LRP1B: variants seen among roughly 807,000 people sequenced by gnomAD.
The protein encoded by LRP1B is LDL receptor related protein 1B.
A neutral mutation model predicts 556.6 loss-of-function variants in LRP1B; 217 were observed. The ratio of observed to expected loss-of-function variants is 0.39; its 90% CI spans 0.35 to 0.44. The LOEUF is 0.44. Among genes scored for constraint, LRP1B ranks in the 20% least tolerant of loss-of-function variants. The pLI is 1.00. For missense variants in LRP1B, 5,053 were observed against 5,620.8 expected (o/e 0.90, Z 3.23); for synonymous variants, 2,047 against 1,865.8 (o/e 1.10, Z -2.50).
At chr2:142,016,945 T>C (rs188578364) in intron 1 of LRP1B, among the ~76,000 whole-genome samples, 1 of 150,944 alleles carries the variant, frequency 6.6e-6, no homozygotes, top group African/African-American at 2.4e-5. Flanking sequence ...TGTATATATG[T>C]GTATATACAT....
intron 79 of LRP1B, among the ~76,000 whole-genome samples, chr2:140,332,907 G>A (rs1359584728): frequency 6.6e-6 from 1 of 151,982 alleles, no homozygotes; most frequent in Non-Finnish European, 1.5e-5. Context: ...TATTAATAAT[G>A]ATTATGTAAA....
intron 1 of LRP1B, among the ~76,000 whole-genome samples, chr2:141,946,957 T>A (rs1484535980): frequency 6.6e-6 from 1 of 152,154 alleles, no homozygotes; most frequent in Non-Finnish European, 1.5e-5. Flanking sequence ...CTTAGGCTGC[T>A]AAGCAACATA....
At chr2:141,289,295 T>C (rs987422867) in intron 3 of LRP1B, among the ~76,000 whole-genome samples, 1 of 139,132 alleles carries the variant, frequency 7.2e-6, no homozygotes, top group Non-Finnish European at 1.5e-5. Flanking sequence ...GGCAGGAGAA[T>C]GGCGTGAACC....
chr2:141,151,838 TCAAA>T (rs941183753), intron 7 of LRP1B, among the ~76,000 whole-genome samples: 4 of 152,162 alleles, frequency 2.6e-5, no homozygotes, highest in Admixed American at 6.6e-5. Context: ...GTGTTCTTGC[TCAAA>T]CAATCATTAA....
At chr2:140,743,163 G>A (rs1688196138) in intron 35 of LRP1B, among the ~76,000 whole-genome samples, 1 of 152,048 alleles carries the variant, frequency 6.6e-6, no homozygotes, top group Non-Finnish European at 1.5e-5. Flanking sequence ...AGTTGATTTT[G>A]GAGTGGACTA....
At chr2:140,566,069 A>G (rs1558971824) in intron 43 of LRP1B, among the ~76,000 whole-genome samples, 1 of 152,100 alleles carries the variant, frequency 6.6e-6, no homozygotes, top group Non-Finnish European at 1.5e-5. Flanking sequence ...TTGGAACTGC[A>G]ACTACTGATG....
intron 41 of LRP1B, among the ~76,000 whole-genome samples, chr2:140,603,197 A>G (rs1682740276): frequency 6.6e-6 from 1 of 152,046 alleles, no homozygotes; most frequent in Admixed American, 6.6e-5. Flanking sequence ...ACAAGGTATT[A>G]ATGAGGGTGA....
chr2:140,906,501 A>C lies in LRP1B; in HGVS notation c.3520+1376T>G, dbSNP rs566881964. ...GATGGGGAAGAGGGAGAAAAGTACT[A>C]ATATTTTTCAATAACTGCAGGGCAT... On this transcript the variant is annotated intron_variant, in intron 22 of 90. Transcript: ENST00000389484. 2.0e-5 allele frequency among the ~76,000 whole-genome samples: 3 copies of C among 152,242 alleles called. No individual in the cohort carries two copies. The East Asian group carries it at 5.8e-4, about 29-fold the overall frequency.
At chr2:140,841,919 C>A (rs912577915) in intron 29 of LRP1B, among the ~76,000 whole-genome samples, 4 of 36,802 alleles carry the variant, frequency 1.1e-4, no homozygotes, top group Non-Finnish European at 3.7e-4. Context: ...CAATTTATAG[C>A]ATTTGATTAC....
intron 43 of LRP1B, among the ~76,000 whole-genome samples, chr2:140,597,306 C>T (rs1157928923): frequency 6.6e-6 from 1 of 152,118 alleles, no homozygotes; most frequent in East Asian, 1.9e-4. Flanking sequence ...TACTCGACCA[C>T]TTACTGTAGC....
intron 41 of LRP1B, among the ~76,000 whole-genome samples, chr2:140,659,558 G>C (rs192705448): frequency 1.3e-5 from 2 of 152,036 alleles, no homozygotes; most frequent in Admixed American, 6.5e-5. Flanking sequence ...GGCTTCAGTG[G>C]ACTTATATTC....
intron 2 of LRP1B, among the ~76,000 whole-genome samples, chr2:141,624,015 CAA>C (rs1288395812): frequency 9.3e-5 from 1 of 10,780 alleles, no homozygotes; most frequent in Non-Finnish European, 4.1e-4. Context: ...AACTCCAACT[CAA>C]AAAAAAAAAA....
intron 23 of LRP1B, among the ~76,000 whole-genome samples, chr2:140,894,811 G>T (rs1424354602): frequency 6.6e-6 from 1 of 152,066 alleles, no homozygotes; most frequent in Non-Finnish European, 1.5e-5. Flanking sequence ...AGCTGGGCAT[G>T]GTGGCGCCTG....
intron 1 of LRP1B, among the ~76,000 whole-genome samples, chr2:141,932,181 A>G (rs1429682496): frequency 3.3e-5 from 5 of 152,076 alleles, no homozygotes; most frequent in Non-Finnish European, 5.9e-5. Flanking sequence ...TTACACTAAG[A>G]TGCAGATATA....
chr2:141,337,249 T>C (rs1687879696), intron 3 of LRP1B, among the ~76,000 whole-genome samples: 1 of 152,232 alleles, frequency 6.6e-6, no homozygotes, highest in Admixed American at 6.5e-5. Flanking sequence ...AATTGATTTA[T>C]AGTGGTATGT....
At chr2:141,233,295 C>T (rs528984247) in intron 5 of LRP1B, among the ~76,000 whole-genome samples, 10 of 152,122 alleles carry the variant, frequency 6.6e-5, no homozygotes, top group Non-Finnish European at 1.3e-4. Context: ...GGGTAAACAC[C>T]TACAGCAGGC....
chr2:141,407,836 T>C (rs1356281598), intron 3 of LRP1B, among the ~76,000 whole-genome samples: 1 of 152,156 alleles, frequency 6.6e-6, no homozygotes, highest in African/African-American at 2.4e-5. Context: ...CAACCTAATA[T>C]ATAAACACTA....
intron 1 of LRP1B, among the ~76,000 whole-genome samples, chr2:142,127,707 T>C (rs937616708): frequency 6.6e-6 from 1 of 151,994 alleles, no homozygotes; most frequent in Non-Finnish European, 1.5e-5. Flanking sequence ...TTGATATACA[T>C]TTAATTGCCA....
intron 66 of LRP1B, among the ~76,000 whole-genome samples, chr2:140,435,144 A>G (rs1242416809): frequency 1.3e-5 from 2 of 152,232 alleles, no homozygotes; most frequent in Non-Finnish European, 2.9e-5. Context: ...CAGAATCTGC[A>G]AAACAGAAGC....
Sources: allele counts gnomAD v4.1 joint callset (sites outside exome capture counted in the v4.1 genomes callset), GRCh38; gene constraint gnomAD v4.1.1; transcripts MANE v1.5; gene names NCBI Gene and HGNC (gene_info 2026-07-23, HGNC 2026-07-21).